The following WDR49 variants were observed in gnomAD, a reference collection of about 807,000 sequenced individuals.
WDR49 encodes WD repeat domain 49.
Under a neutral mutation model 119.5 loss-of-function variants are expected in WDR49, and 107 were observed. The ratio of observed to expected loss-of-function variants is 0.90; its 90% CI spans 0.77 to 1.05. The LOEUF (loss-of-function observed/expected upper bound fraction) is 1.05, where lower values mean the gene tolerates loss of function less well. Ranked by LOEUF, WDR49 falls within the 50% of genes least tolerant of loss-of-function variation. WDR49 has a pLI of 0.00. For synonymous variants in WDR49, 425 were observed against 418.8 expected, an observed-to-expected ratio of 1.01 and a Z score of -0.18; for missense variants, 1,240 against 1,220.5, an observed-to-expected ratio of 1.02 and a Z score of -0.24.
chr3:167,495,557 A>G (rs559625223), intron 18 of WDR49, among the ~76,000 whole-genome samples: 21 of 147,052 alleles, frequency 1.4e-4, no homozygotes, highest in Middle Eastern at 3.4e-3. Context: ...TTGTGATATA[A>G]TTAAACAGTC....
At chr3:167,557,041 A>G (rs1205909782) in intron 9 of WDR49, among the ~76,000 whole-genome samples, 1 of 151,842 alleles carries the variant, frequency 6.6e-6, no homozygotes, top group East Asian at 1.9e-4. Flanking sequence ...ACAAACAAAC[A>G]AAAAAATTAG....
intron 8 of WDR49, among the ~76,000 whole-genome samples, chr3:167,561,219 A>ACATT (rs911039901): frequency 1.3e-5 from 2 of 152,168 alleles, no homozygotes; most frequent in Admixed American, 6.6e-5. Flanking sequence ...CATCATGCAT[A>ACATT]CATTCATTCA....
At chr3:167,620,381 A>T in intron 5 of WDR49, 48 bp downstream of exon 5, 1 of 1,458,818 alleles carries the variant, frequency 6.9e-7, no homozygotes, top group Non-Finnish European at 9.1e-7. Flanking sequence ...ATATAAATGT[A>T]CAAGTCAGAG....
At chr3:167,519,946 T>C (rs1303763963) in intron 16 of WDR49, among the ~76,000 whole-genome samples, 2 of 151,908 alleles carry the variant, frequency 1.3e-5, no homozygotes, top group Non-Finnish European at 2.9e-5. Context: ...TTTAAAAAAG[T>C]GTTTAGGATG....
intron 7 of WDR49, among the ~76,000 whole-genome samples, chr3:167,582,237 C>T (rs1370273943): frequency 4.6e-5 from 7 of 152,038 alleles, no homozygotes; most frequent in Non-Finnish European, 8.8e-5. Context: ...GAAGTTAAGC[C>T]TCTCAGTAAT....
At chr3:167,611,581 A>G (rs1577276141) in intron 5 of WDR49, among the ~76,000 whole-genome samples, 2 of 152,168 alleles carry the variant, frequency 1.3e-5, no homozygotes, top group East Asian at 3.9e-4. Context: ...ATCTTCAAGA[A>G]ACACACTTCA....
chr3:167,537,054 G>C (rs1711514179), intron 10 of WDR49, 54 bp from the exon 11 acceptor site: 1 of 1,492,620 alleles, frequency 6.7e-7, no homozygotes, highest in Non-Finnish European at 9.0e-7. Context: ...TGTAGACATT[G>C]AGTAGCCACT....
At chr3:167,487,092 C>A (rs74559607) in intron 18 of WDR49, among the ~76,000 whole-genome samples, 1 of 152,040 alleles carries the variant, frequency 6.6e-6, no homozygotes, top group South Asian at 2.1e-4. Context: ...GCAAAAAGAA[C>A]AAAGCTAGAG....
intron 15 of WDR49, among the ~76,000 whole-genome samples, chr3:167,526,977 A>C (rs936643174): frequency 2.6e-5 from 4 of 152,180 alleles, no homozygotes. Flanking sequence ...TTTGTCCGCA[A>C]AAGCACAAAT....
In WDR49 at chr3:167,479,892, G is replaced by A. The variant is rs114325845; in HGVS notation, c.3032-896C>T. Among the ~76,000 whole-genome samples the A allele has an allele frequency of 8.8e-3, 1,344 of 152,156 alleles. 15 individuals carry two copies. The highest frequency in any genetic ancestry group is 0.031 in the African/African-American group (1,280 of 41,518). ...CATGGAGGTGGGGAAGAATTGGCAA[G>A]GGTTGGATAGGAAGTGTCAACTGGA... On this transcript the variant is annotated intron_variant, in intron 18 of 18. Transcript: ENST00000682715.
intron 8 of WDR49, chr3:167,575,323 C>G (rs892681203): frequency 4.1e-6 from 4 of 984,646 alleles, no homozygotes; most frequent in Non-Finnish European, 4.8e-6. Context: ...TCCAGGGGAG[C>G]CCTGCTTCTT....
At chr3:167,633,657 G>T (rs1423208451) in intron 2 of WDR49, 1 of 355,364 alleles carries the variant, frequency 2.8e-6, no homozygotes, top group Non-Finnish European at 5.5e-6. Context: ...ATTCAATACT[G>T]AATGGCGAAA....
chr3:167,548,666 C>A (rs62277771), intron 10 of WDR49, among the ~76,000 whole-genome samples: 42,521 of 151,758 alleles, frequency 0.28, 6,104 homozygotes, highest in South Asian at 0.32. Context: ...AGATGTAACT[C>A]AAGTTGCAAT....
chr3:167,565,412 CTT>C (rs1713539006), intron 8 of WDR49, among the ~76,000 whole-genome samples: 4 of 146,896 alleles, frequency 2.7e-5, no homozygotes, highest in African/African-American at 5.1e-5. Flanking sequence ...CACACACACA[CTT>C]ATATGTAAAA....
At chr3:167,546,905 C>T (rs1465931618) in intron 10 of WDR49, among the ~76,000 whole-genome samples, 5 of 151,650 alleles carry the variant, frequency 3.3e-5, no homozygotes, top group Non-Finnish European at 5.9e-5. Flanking sequence ...GCTTTTTAGG[C>T]TTAAAAAGGG....
upstream of WDR49, among the ~76,000 whole-genome samples, chr3:167,654,530 TG>T (rs374480883): frequency 8.0e-4 from 122 of 152,338 alleles, no homozygotes; most frequent in Middle Eastern, 3.4e-3. Context: ...TAAAACTTTA[TG>T]TTCATTGTCT....
intron 15 of WDR49, among the ~76,000 whole-genome samples, chr3:167,527,449 C>T (rs61031166): frequency 0.038 from 5,844 of 151,976 alleles, 362 homozygotes; most frequent in African/African-American, 0.13. Context: ...TTGATTATTA[C>T]GTTCTTAGTT....
chr3:167,610,654 C>A (rs1314898649), intron 5 of WDR49, among the ~76,000 whole-genome samples: 5 of 152,222 alleles, frequency 3.3e-5, no homozygotes, highest in Admixed American at 2.6e-4. Context: ...CTGGATTTGC[C>A]ACTGGCTGAT....
At chr3:167,580,863 T>A (rs1714494379) in intron 7 of WDR49, among the ~76,000 whole-genome samples, 1 of 152,188 alleles carries the variant, frequency 6.6e-6, no homozygotes. Flanking sequence ...ATTTCAGATA[T>A]CCTAGAAGGG....
Sources: gnomAD v4.1 joint callset for allele counts (sites outside exome capture counted in the v4.1 genomes callset) on GRCh38, gnomAD v4.1.1 for gene constraint, MANE v1.5 for transcripts, NCBI Gene and HGNC (gene_info 2026-07-23, HGNC 2026-07-21) for gene names.